Variants in KCTD16 observed in about 807,000 individuals in gnomAD.
The protein encoded by KCTD16 is potassium channel tetramerization domain containing 16, also known as BTB/POZ domain-containing protein KCTD16.
A neutral mutation model predicts 33.2 loss-of-function variants in KCTD16; 13 were observed. That is an observed-to-expected ratio of 0.39 (90% CI 0.25 to 0.62). The LOEUF is 0.62. Ranked by LOEUF, KCTD16 falls within the 20% of genes least tolerant of loss-of-function variation. The pLI is 0.50. For missense variants in KCTD16, 441 were observed against 525.1 expected, an observed-to-expected ratio of 0.84 and a Z score of 1.57; for synonymous variants, 197 against 195.3, an observed-to-expected ratio of 1.01 and a Z score of -0.07.
rs1561574523 is a variant in KCTD16, at chr5:144,344,016, G to C, written c.833-129644G>C. ...GTACTGGTACCAAAACAGAGATATA[G>C]ATCAATGGAACAGAACAGAGCCCTC... is the stretch of plus-strand genomic sequence containing the variant. On this transcript the variant is annotated intron_variant, in intron 3 of 3. Transcript: ENST00000512467. Among the ~76,000 whole-genome samples the C allele has an allele frequency of 2.0e-5, 3 of 152,074 alleles. No individual in the cohort carries two copies. The South Asian group carries it at 6.2e-4, about 31-fold the overall frequency.
chr5:144,299,123 TATATATATATATATATATATATATA>T (rs1203828724), intron 3 of KCTD16, among the ~76,000 whole-genome samples: 19 of 22,312 alleles, frequency 8.5e-4, no homozygotes, highest in African/African-American at 3.7e-3. Flanking sequence ...TATATATATA[TATATATATATATATATATATATATA>T]TTTTTTTTTT....
chr5:144,304,812 T>A (rs1310715223), intron 3 of KCTD16, among the ~76,000 whole-genome samples: 1 of 152,122 alleles, frequency 6.6e-6, no homozygotes, highest in East Asian at 1.9e-4. Flanking sequence ...GCACTGCAGG[T>A]CTGTCACTGT....
At chr5:144,262,873 C>T (rs1036826403) in intron 3 of KCTD16, among the ~76,000 whole-genome samples, 1 of 152,136 alleles carries the variant, frequency 6.6e-6, no homozygotes, top group Non-Finnish European at 1.5e-5. Flanking sequence ...TTCATGAGCT[C>T]TCTGAGGGCT....
Position 144,272,515 on chromosome 5 carries a change from C to A in KCTD16, c.832+64969C>A, listed in dbSNP as rs574431766. ...CTCAAGAGACCCCCAAAAGCCAAAA[C>A]AACCTTGAAAAAGAATGAAGCTGGA... On this transcript the variant is annotated intron_variant, in intron 3 of 3. Transcript: ENST00000512467. Among the ~76,000 whole-genome samples the A allele has an allele frequency of 2.6e-5, 4 of 152,180 alleles. No individual in the cohort carries two copies. In the East Asian group the frequency reaches 7.7e-4, roughly 29 times the overall value.
chr5:144,312,498 A>G (rs937692164), intron 3 of KCTD16, among the ~76,000 whole-genome samples: 1 of 152,210 alleles, frequency 6.6e-6, no homozygotes, highest in African/African-American at 2.4e-5. Context: ...TCTATTTTAA[A>G]TTAACTTAAA....
intron 3 of KCTD16, among the ~76,000 whole-genome samples, chr5:144,368,198 A>G (rs534409524): frequency 8.5e-5 from 13 of 152,284 alleles, no homozygotes; most frequent in African/African-American, 2.6e-4. Context: ...TGTTACACTC[A>G]TAAATATGTT....
chr5:144,316,004 T>A (rs62403172), intron 3 of KCTD16, among the ~76,000 whole-genome samples: 1,567 of 151,660 alleles, frequency 0.01, 21 homozygotes, highest in African/African-American at 0.034. Flanking sequence ...TTTTTTTTTT[T>A]AAAAGGTCAG....
intron 3 of KCTD16, among the ~76,000 whole-genome samples, chr5:144,282,401 AT>A (rs1210051998): frequency 6.6e-6 from 1 of 151,748 alleles, no homozygotes; most frequent in Non-Finnish European, 1.5e-5. Context: ...TACATTCTTT[AT>A]TATATCCTTT....
intron 3 of KCTD16, among the ~76,000 whole-genome samples, chr5:144,466,993 T>C (rs1264329127): frequency 2.1e-5 from 1 of 47,570 alleles, no homozygotes; most frequent in Non-Finnish European, 4.1e-5. Flanking sequence ...TAACACTATA[T>C]ATATTATATA....
chr5:144,454,455 C>A (rs1754016728), intron 3 of KCTD16, among the ~76,000 whole-genome samples: 1 of 150,694 alleles, frequency 6.6e-6, no homozygotes, highest in Non-Finnish European at 1.5e-5. Context: ...AATATTGATT[C>A]TTCTTGAAGC....
At chr5:144,240,127 C>T (rs1754361347) in intron 3 of KCTD16, among the ~76,000 whole-genome samples, 1 of 152,092 alleles carries the variant, frequency 6.6e-6, no homozygotes, top group East Asian at 1.9e-4. Context: ...ACATCAGACA[C>T]GTAGCTAATA....
intron 3 of KCTD16, among the ~76,000 whole-genome samples, chr5:144,259,257 C>CAAAA (rs1166248798): frequency 1.4e-4 from 7 of 48,374 alleles, no homozygotes; most frequent in Non-Finnish European, 2.0e-4. Context: ...GACTCCATCT[C>CAAAA]AAAAAAAAAA....
intron 3 of KCTD16, among the ~76,000 whole-genome samples, chr5:144,247,913 C>T (rs1457575352): frequency 1.3e-5 from 2 of 152,182 alleles, no homozygotes; most frequent in African/African-American, 2.4e-5. Flanking sequence ...GCAAGCAACA[C>T]CTGATGAGCA....
chr5:144,189,445 T>G (rs961134986), intron 2 of KCTD16, among the ~76,000 whole-genome samples: 1 of 148,046 alleles, frequency 6.8e-6, no homozygotes, highest in Non-Finnish European at 1.5e-5. Flanking sequence ...GCAGTGAGCC[T>G]AGATTGCGCC....
intron 3 of KCTD16, among the ~76,000 whole-genome samples, chr5:144,377,309 A>G (rs1424975314): frequency 1.3e-5 from 2 of 152,132 alleles, no homozygotes; most frequent in African/African-American, 2.4e-5. Flanking sequence ...ATCAGGCTAT[A>G]AGGAATGGAG....
chr5:144,447,491 G>A (rs1026987485), intron 3 of KCTD16, among the ~76,000 whole-genome samples: 1 of 151,856 alleles, frequency 6.6e-6, no homozygotes, highest in African/African-American at 2.4e-5. Flanking sequence ...AACCACCATC[G>A]CACATGTATA....
intron 3 of KCTD16, among the ~76,000 whole-genome samples, chr5:144,227,606 T>G (rs1753974271): frequency 6.6e-6 from 1 of 152,224 alleles, no homozygotes; most frequent in Admixed American, 6.5e-5. Context: ...AAATTTGACA[T>G]ATATTTTAAC....
intron 3 of KCTD16, among the ~76,000 whole-genome samples, chr5:144,272,845 A>G (rs1431323933): frequency 1.3e-5 from 2 of 152,182 alleles, no homozygotes; most frequent in Admixed American, 1.3e-4. Flanking sequence ...TGGAAAAAAG[A>G]TCTAAATGTA....
chr5:144,203,627 A>C (rs1181923251), intron 2 of KCTD16, among the ~76,000 whole-genome samples: 2 of 152,216 alleles, frequency 1.3e-5, no homozygotes, highest in Non-Finnish European at 2.9e-5. Context: ...ACCTACTGCC[A>C]TACTGTCCCT....
Sources: gnomAD v4.1 joint callset for allele counts (sites outside exome capture counted in the v4.1 genomes callset) on GRCh38, gnomAD v4.1.1 for gene constraint, MANE v1.5 for transcripts, NCBI Gene and HGNC (gene_info 2026-07-23, HGNC 2026-07-21) for gene names.